SLC35F4: variants seen among roughly 807,000 people sequenced by gnomAD.
SLC35F4 encodes the protein chromosome 14 open reading frame 36.
Under a neutral mutation model 44.2 loss-of-function variants are expected in SLC35F4, and 24 were observed. The observed-to-expected ratio is 0.54, with a 90% confidence interval of 0.39 to 0.76. SLC35F4 has a LOEUF of 0.76. SLC35F4 is among the 30% of genes least tolerant of loss of function. The pLI, the probability that SLC35F4 is intolerant of heterozygous loss-of-function variation, is 0.00. For missense variants in SLC35F4, 562 were observed against 586.1 expected, an observed-to-expected ratio of 0.96 and a Z score of 0.42; for synonymous variants, 238 against 223.6, an observed-to-expected ratio of 1.06 and a Z score of -0.57.
intron 1 of SLC35F4, among the ~76,000 whole-genome samples, chr14:57,956,340 G>A (rs550911512): frequency 1.1e-4 from 17 of 152,286 alleles, no homozygotes; most frequent in African/African-American, 4.1e-4. Context: ...TTAAAACCCA[G>A]AAGAAAACCT....
intron 1 of SLC35F4, among the ~76,000 whole-genome samples, chr14:57,712,040 G>T (rs954130958): frequency 6.6e-6 from 1 of 152,128 alleles, no homozygotes; most frequent in African/African-American, 2.4e-5. Context: ...GCATATGGAG[G>T]TTTCATCCTA....
chr14:57,709,225 C>A (rs1024606379), intron 1 of SLC35F4, among the ~76,000 whole-genome samples: 2 of 152,112 alleles, frequency 1.3e-5, no homozygotes, highest in Non-Finnish European at 2.9e-5. Flanking sequence ...TTCCTTGACA[C>A]TGATGCTACC....
chr14:57,571,484 T>G (rs1314497549), intron 5 of SLC35F4, among the ~76,000 whole-genome samples: 1 of 152,194 alleles, frequency 6.6e-6, no homozygotes, highest in Non-Finnish European at 1.5e-5. Flanking sequence ...GATAATTAAA[T>G]TAAAAAACAC....
chr14:57,931,674 G>A (rs1210721347), intron 1 of SLC35F4, among the ~76,000 whole-genome samples: 3 of 152,162 alleles, frequency 2.0e-5, no homozygotes. Flanking sequence ...ATCTTGCCTG[G>A]GAGAGCTCCA....
intron 1 of SLC35F4, among the ~76,000 whole-genome samples, chr14:57,773,033 T>C (rs534281869): frequency 2.0e-5 from 3 of 152,314 alleles, no homozygotes; most frequent in African/African-American, 7.2e-5. Context: ...TTTTTTGACA[T>C]TTTAATAGTA....
intron 1 of SLC35F4, among the ~76,000 whole-genome samples, chr14:57,928,879 T>C (rs958674059): frequency 6.6e-6 from 1 of 152,172 alleles, no homozygotes; most frequent in Non-Finnish European, 1.5e-5. Context: ...ATGGAAATTT[T>C]ACAACTGAAA....
chr14:57,761,926 G>A (rs1373790760), intron 1 of SLC35F4, among the ~76,000 whole-genome samples: 6 of 152,122 alleles, frequency 3.9e-5, no homozygotes, highest in Non-Finnish European at 8.8e-5. Context: ...AAAAGGTGTT[G>A]AGAGGCTCAC....
chr14:57,888,863 A>T (rs1004370297), intron 1 of SLC35F4, among the ~76,000 whole-genome samples: 1 of 152,238 alleles, frequency 6.6e-6, no homozygotes, highest in Non-Finnish European at 1.5e-5. Flanking sequence ...ATTTAATAAC[A>T]TCCATATTAT....
chr14:57,948,295 T>C (rs1179861446), intron 1 of SLC35F4, among the ~76,000 whole-genome samples: 1 of 152,164 alleles, frequency 6.6e-6, no homozygotes, highest in Non-Finnish European at 1.5e-5. Flanking sequence ...TTCCATCTCT[T>C]CTAGATTTTT....
chr14:57,759,122 A>G (rs1193122607), intron 1 of SLC35F4, among the ~76,000 whole-genome samples: 1 of 152,134 alleles, frequency 6.6e-6, no homozygotes, highest in Non-Finnish European at 1.5e-5. Context: ...TATTTTCTCT[A>G]TTCATCTACT....
chr14:57,617,105 C>T (rs1745702), intron 1 of SLC35F4, among the ~76,000 whole-genome samples: 103,064 of 146,288 alleles, frequency 0.7, 37,268 homozygotes, highest in Middle Eastern at 0.79. Context: ...ATTGGAAATT[C>T]GAGCTCAGCT....
intron 1 of SLC35F4, among the ~76,000 whole-genome samples, chr14:57,750,241 T>C (rs1055301963): frequency 1.3e-5 from 2 of 152,194 alleles, no homozygotes; most frequent in South Asian, 2.1e-4. Flanking sequence ...TTAGTCTGAA[T>C]AGTATTTCAT....
At chr14:57,576,133 T>C (rs955380305) in intron 4 of SLC35F4, among the ~76,000 whole-genome samples, 1 of 152,216 alleles carries the variant, frequency 6.6e-6, no homozygotes, top group Non-Finnish European at 1.5e-5. Flanking sequence ...TCACAATTCT[T>C]ATTTGCATAA....
At position 57,695,402 on chromosome 14, in the gene SLC35F4, C is replaced by CA. The variant is rs540032265; in HGVS notation, c.104-101279dup. ...TCTCAAAAGAAGACATTTATGCAGC[C>CA]AAAAAACACATGAAAAAACGCTCAT... On this transcript the variant is annotated intron_variant, in intron 1 of 7. Coordinates refer to ENST00000556826, the MANE Select transcript of SLC35F4 (RefSeq NM_001306087.2). Among the ~76,000 whole-genome samples the CA allele has an allele frequency of 2.0e-3, 306 of 151,400 alleles. 1 individual carries two copies. The highest frequency in any genetic ancestry group is 7.0e-3 in the African/African-American group (290 of 41,308).
rs538491271 is a variant in SLC35F4 at position 57,742,538 on chromosome 14, T to C, written c.103+123185A>G. Among the ~76,000 whole-genome samples, 9 of 152,242 alleles carry C rather than the reference T, an allele frequency of 5.9e-5. No individual in the cohort carries two copies. The East Asian group carries it at 1.7e-3, about 29-fold the overall frequency. ...AGAAGAGCTAACTATCCTAAATATA[T>C]ATGCACCAATACAGAAGCACCCAGA... On this transcript the variant is annotated intron_variant, in intron 1 of 7. Transcript: ENST00000556826.
chr14:57,601,484 C>T (rs965680079), intron 1 of SLC35F4, among the ~76,000 whole-genome samples: 5 of 152,000 alleles, frequency 3.3e-5, no homozygotes, highest in Admixed American at 3.3e-4. Flanking sequence ...TCTAGTAGTC[C>T]CCAATGTCTA....
chr14:57,751,411 A>G (rs2076881548), intron 1 of SLC35F4, among the ~76,000 whole-genome samples: 1 of 152,210 alleles, frequency 6.6e-6, no homozygotes. Flanking sequence ...GATGTCCTTC[A>G]GGCTAAAGCT....
intron 1 of SLC35F4, among the ~76,000 whole-genome samples, chr14:57,952,468 G>T (rs922956372): frequency 6.6e-6 from 1 of 152,030 alleles, no homozygotes; most frequent in African/African-American, 2.4e-5. Flanking sequence ...GGCTTCAGAA[G>T]ATGGGTAATA....
chr14:57,677,117 G>A (rs1300543345), intron 1 of SLC35F4, among the ~76,000 whole-genome samples: 3 of 152,030 alleles, frequency 2.0e-5, no homozygotes, highest in East Asian at 1.9e-4. Context: ...AGCAACGTGG[G>A]TGGAGCTGGA....
Sources: allele counts gnomAD v4.1 joint callset (sites outside exome capture counted in the v4.1 genomes callset), GRCh38; gene constraint gnomAD v4.1.1; transcripts MANE v1.5; gene names NCBI Gene and HGNC (gene_info 2026-07-23, HGNC 2026-07-21).